RAD51B: variants seen among roughly 807,000 people sequenced by gnomAD.
The protein encoded by RAD51B is RAD51 paralog B, also known as DNA repair protein RAD51 homolog 2.
A neutral mutation model predicts 42.2 loss-of-function variants in RAD51B; 38 were observed. That is an observed-to-expected ratio of 0.90 (90% CI 0.70 to 1.18). RAD51B has a LOEUF of 1.18. RAD51B is among the 50% of genes most tolerant of loss of function. RAD51B has a pLI of 0.00. For synonymous variants in RAD51B, 154 were observed against 145.2 expected, an observed-to-expected ratio of 1.06 and a Z score of -0.43; for missense variants, 373 against 400.7, an observed-to-expected ratio of 0.93 and a Z score of 0.59.
chr14:67,901,862 A>C (rs1238671081), intron 7 of RAD51B, among the ~76,000 whole-genome samples: 1 of 151,718 alleles, frequency 6.6e-6, no homozygotes, highest in East Asian at 1.9e-4. Context: ...ATGTGTACCC[A>C]TGGATGTAGA....
At chr14:67,830,867 A>C (rs1165414507) in intron 3 of RAD51B, among the ~76,000 whole-genome samples, 2 of 150,708 alleles carry the variant, frequency 1.3e-5, no homozygotes, top group African/African-American at 4.9e-5. Context: ...GGCAGATCAT[A>C]GATTCAATTT....
rs564253168 is a variant in RAD51B at position 67,958,947 on chromosome 14, A to C, written c.756+71743A>C. 2.0e-5 allele frequency among the ~76,000 whole-genome samples: 3 copies of C among 152,260 alleles called. No individual in the cohort carries two copies. In the East Asian group the frequency reaches 5.8e-4, roughly 29 times the overall value. ...TTCTTTCCTCTTTCACCTTGCCTCT[A>C]CTGCCCTTTCTCTAGATCGATCATG... is the stretch of plus-strand genomic sequence containing the variant. On this transcript the variant is annotated intron_variant, in intron 7 of 10. Transcript: ENST00000471583.
intron 7 of RAD51B, among the ~76,000 whole-genome samples, chr14:67,969,941 A>T (rs1157949908): frequency 1.3e-5 from 2 of 152,198 alleles, no homozygotes; most frequent in African/African-American, 4.8e-5. Flanking sequence ...TTTGGATAAA[A>T]TATTGGTAAG....
downstream of RAD51B, among the ~76,000 whole-genome samples, chr14:68,482,160 T>G (rs978536315): frequency 5.4e-5 from 8 of 147,942 alleles, no homozygotes; most frequent in African/African-American, 2.0e-4. Context: ...ATGATGCAAT[T>G]CAGAGATATT....
intron 7 of RAD51B, among the ~76,000 whole-genome samples, chr14:67,981,790 C>A (rs2075097672): frequency 6.6e-6 from 1 of 151,838 alleles, no homozygotes; most frequent in African/African-American, 2.4e-5. Flanking sequence ...TGGGTGGTTA[C>A]CTAGAGATGG....
intron 7 of RAD51B, among the ~76,000 whole-genome samples, chr14:68,194,924 C>G (rs1337603330): frequency 6.6e-6 from 1 of 152,162 alleles, no homozygotes; most frequent in Admixed American, 6.5e-5. Flanking sequence ...ACCTTAAGAA[C>G]TATAGAACAC....
intron 8 of RAD51B, chr14:68,387,330 A>T (rs1334780985): frequency 1.3e-5 from 2 of 152,254 alleles, no homozygotes; most frequent in African/African-American, 4.8e-5. Context: ...ATGCACCTGG[A>T]ATACTTAAAG....
chr14:68,354,220 T>G lies in RAD51B; in HGVS notation c.854-57204T>G, dbSNP rs1439936482. On this transcript the variant is annotated intron_variant, in intron 8 of 10. Coordinates refer to ENST00000471583, the MANE Select transcript of RAD51B (RefSeq NM_133510.4). ...TTTTTGGTTTTTGGTTTTTTGGTTT[T>G]TTTTTTTTTTTTTTTGAGATGGAGT... is the stretch of plus-strand genomic sequence containing the variant. Among the ~76,000 whole-genome samples the G allele has an allele frequency of 5.5e-5, 8 of 145,418 alleles. No homozygotes were observed. The South Asian group carries it at 1.3e-3, about 23-fold the overall frequency.
intron 4 of RAD51B, among the ~76,000 whole-genome samples, chr14:67,849,701 A>C (rs553417625): frequency 6.6e-6 from 1 of 152,336 alleles, no homozygotes; most frequent in South Asian, 2.1e-4. Flanking sequence ...GCAATCATAA[A>C]GTGAAGTTTT....
At chr14:68,599,867 C>G (rs1217193633), downstream of RAD51B, among the ~76,000 whole-genome samples, 3 of 152,228 alleles carry the variant, frequency 2.0e-5, no homozygotes, top group Non-Finnish European at 2.9e-5. Flanking sequence ...TCTTCCTCCC[C>G]AGGGGCTCCC....
chr14:68,442,422 A>AGTAG (rs1461622610), intron 9 of RAD51B, among the ~76,000 whole-genome samples: 1 of 136,306 alleles, frequency 7.3e-6, no homozygotes, highest in Non-Finnish European at 1.6e-5. Context: ...CCTACTATGT[A>AGTAG]GTAGGCATTG....
chr14:68,598,921 G>C (rs1409747585), downstream of RAD51B, among the ~76,000 whole-genome samples: 1 of 152,208 alleles, frequency 6.6e-6, no homozygotes, highest in Non-Finnish European at 1.5e-5. Flanking sequence ...CCTCCTGTTA[G>C]TGCTGGAAGT....
chr14:68,403,367 G>T (rs2084172146), intron 8 of RAD51B, among the ~76,000 whole-genome samples: 1 of 151,056 alleles, frequency 6.6e-6, no homozygotes, highest in Non-Finnish European at 1.5e-5. Context: ...CCCTTTTGCT[G>T]CAGGGCAAAT....
intron 8 of RAD51B, among the ~76,000 whole-genome samples, chr14:68,295,975 G>C (rs893338310): frequency 5.3e-5 from 8 of 152,114 alleles, no homozygotes; most frequent in African/African-American, 1.9e-4. Flanking sequence ...GAGAGAGCAA[G>C]AGACAAGATC....
chr14:68,255,591 A>G (rs558729012), intron 7 of RAD51B, among the ~76,000 whole-genome samples: 4 of 152,332 alleles, frequency 2.6e-5, no homozygotes, highest in Admixed American at 6.5e-5. Context: ...TTAGTTCGAA[A>G]GTATATATAT....
rs374452280 is a variant in RAD51B, at chr14:67,899,203, C to T, written c.756+11999C>T. Among the ~76,000 whole-genome samples, 49 of 151,832 alleles carry T rather than the reference C, an allele frequency of 3.2e-4. 1 individual carries two copies. The East Asian group carries it at 8.1e-3, about 25-fold the overall frequency. ...GACTATAGGCACCCGCCACCACGCC[C>T]GGCTAATTTTTTTTTTTTTATATTT... On this transcript the variant is annotated intron_variant, in intron 7 of 10. Coordinates refer to ENST00000471583, the MANE Select transcript of RAD51B (RefSeq NM_133510.4).
chr14:68,389,127 TGAA>T (rs1682866456), intron 8 of RAD51B, among the ~76,000 whole-genome samples: 1 of 152,212 alleles, frequency 6.6e-6, no homozygotes, highest in African/African-American at 2.4e-5. Context: ...ACTTTTTAAA[TGAA>T]GTATAATATG....
At chr14:67,878,112 T>C (rs1030334229) in intron 5 of RAD51B, among the ~76,000 whole-genome samples, 1 of 152,224 alleles carries the variant, frequency 6.6e-6, no homozygotes, top group Non-Finnish European at 1.5e-5. Flanking sequence ...TCAATATCTT[T>C]AATCCATCAG....
intron 8 of RAD51B, among the ~76,000 whole-genome samples, chr14:68,350,109 A>C (rs902643991): frequency 6.6e-5 from 10 of 152,212 alleles, no homozygotes; most frequent in Non-Finnish European, 1.2e-4. Flanking sequence ...CTCTCTGTGC[A>C]CATATAGAGT....
Sources: gnomAD v4.1 joint callset for allele counts (sites outside exome capture counted in the v4.1 genomes callset) on GRCh38, gnomAD v4.1.1 for gene constraint, MANE v1.5 for transcripts, NCBI Gene and HGNC (gene_info 2026-07-23, HGNC 2026-07-21) for gene names.